Variants in FAM135B observed in about 807,000 individuals in gnomAD.
FAM135B encodes protein FAM135B.
FAM135B carries 43 observed loss-of-function variants against 127.7 expected under a neutral mutation model. That is an observed-to-expected ratio of 0.34 (90% CI 0.26 to 0.43). FAM135B has a LOEUF of 0.43. FAM135B is among the 20% of genes least tolerant of loss of function. The pLI is 1.00. For missense variants in FAM135B, 1,558 were observed against 1,725.6 expected, an observed-to-expected ratio of 0.90 and a Z score of 1.72; for synonymous variants, 670 against 665.1, an observed-to-expected ratio of 1.01 and a Z score of -0.11.
chr8:138,388,946 T>C (rs965532621), intron 1 of FAM135B, among the ~76,000 whole-genome samples: 2 of 152,164 alleles, frequency 1.3e-5, no homozygotes, highest in African/African-American at 4.8e-5. Context: ...GTTTTATATA[T>C]ATATATCCCC....
intron 2 of FAM135B, among the ~76,000 whole-genome samples, chr8:138,347,692 G>A (rs1587179385): frequency 1.3e-5 from 2 of 152,246 alleles, no homozygotes; most frequent in East Asian, 3.9e-4. Context: ...GATCTCCAGA[G>A]GACGGAAAGT....
In FAM135B at chr8:138,241,253, T is replaced by A. The variant is rs962782283; in HGVS notation, c.669+1689A>T. Among the ~76,000 whole-genome samples, 16 of 152,160 alleles carry A rather than the reference T, an allele frequency of 1.1e-4. No individual in the cohort carries two copies. The highest frequency in any genetic ancestry group is 3.9e-4 in the African/African-American group (16 of 41,424). On this transcript the variant is annotated intron_variant, in intron 7 of 19. Transcript: ENST00000395297. The surrounding 1 kb of genome is among the most constrained non-coding windows in gnomAD (Gnocchi z 4.8). The stretch of plus-strand genomic sequence containing the variant: ...CGCTTTCTTACTCATTCACTTCCTA[T>A]GTGCTGGGCCCTGCGTCAGTGCTAA...
At chr8:138,369,143 G>A (rs1471304656) in intron 1 of FAM135B, among the ~76,000 whole-genome samples, 4 of 152,078 alleles carry the variant, frequency 2.6e-5, no homozygotes, top group Non-Finnish European at 4.4e-5. Flanking sequence ...GTAGACTCCC[G>A]ATAGGATAAG....
At chr8:138,227,714 CTTTTTTT>C (rs761660500) in intron 7 of FAM135B, among the ~76,000 whole-genome samples, 1,143 of 81,838 alleles carry the variant, frequency 0.014, 16 homozygotes, top group Middle Eastern at 0.042. Flanking sequence ...TTTTGTCTCT[CTTTTTTT>C]TTTTTTTTTT....
chr8:138,222,492 A>G (rs1315457968), intron 7 of FAM135B, among the ~76,000 whole-genome samples: 1 of 152,170 alleles, frequency 6.6e-6, no homozygotes, highest in Non-Finnish European at 1.5e-5. Context: ...CAGTCCATTG[A>G]ATATAGCAGG....
chr8:138,259,364 A>G (rs1237411645), intron 4 of FAM135B, among the ~76,000 whole-genome samples: 1 of 152,196 alleles, frequency 6.6e-6, no homozygotes, highest in African/African-American at 2.4e-5. Flanking sequence ...CTATCATTTC[A>G]TATCTATGAG....
chr8:138,220,905 C>A (rs1818977365), intron 7 of FAM135B, among the ~76,000 whole-genome samples: 1 of 152,202 alleles, frequency 6.6e-6, no homozygotes, highest in African/African-American at 2.4e-5. Context: ...AATGTACTCA[C>A]CCACGTGAAA....
At chr8:138,229,348 GC>G (rs1819734681) in intron 7 of FAM135B, among the ~76,000 whole-genome samples, 1 of 152,074 alleles carries the variant, frequency 6.6e-6, no homozygotes, top group Non-Finnish European at 1.5e-5. Context: ...AGCTCACAAA[GC>G]ATACACAGTC....
chr8:138,494,373 C>A (rs1007952648), intron 1 of FAM135B, among the ~76,000 whole-genome samples: 2 of 152,174 alleles, frequency 1.3e-5, no homozygotes, highest in African/African-American at 4.8e-5. Flanking sequence ...GGGAGAGGCA[C>A]CTATCATTGG....
chr8:138,149,372 C>T (rs1817935376), intron 13 of FAM135B, among the ~76,000 whole-genome samples: 1 of 152,048 alleles, frequency 6.6e-6, no homozygotes, highest in South Asian at 2.1e-4. Context: ...CTTGGCCTTC[C>T]CCTGCTTCTC....
At chr8:138,206,331 C>A (rs913229115) in intron 7 of FAM135B, among the ~76,000 whole-genome samples, 2 of 142,642 alleles carry the variant, frequency 1.4e-5, no homozygotes, top group Non-Finnish European at 3.1e-5. Context: ...CTATCATCCC[C>A]TCCACCTACC....
intron 2 of FAM135B, among the ~76,000 whole-genome samples, chr8:138,356,433 A>G (rs1341780138): frequency 2.0e-5 from 3 of 152,134 alleles, no homozygotes; most frequent in African/African-American, 4.8e-5. Flanking sequence ...TTCCTCTATG[A>G]TTTAGGGATA....
At chr8:138,442,236 CCATATATATATATATATATATA>C (rs1228442061) in intron 1 of FAM135B, among the ~76,000 whole-genome samples, 2 of 13,130 alleles carry the variant, frequency 1.5e-4, no homozygotes, top group Non-Finnish European at 2.5e-4. Context: ...AATATGGACA[CCATATATATATATATATATATA>C]TATATATATA....
intron 11 of FAM135B, among the ~76,000 whole-genome samples, chr8:138,174,390 T>A (rs1397865178): frequency 6.6e-6 from 1 of 152,140 alleles, no homozygotes; most frequent in Non-Finnish European, 1.5e-5. Flanking sequence ...GACCTCCAGG[T>A]GTGCAGAACC....
chr8:138,291,939 G>A (rs1412932657), intron 3 of FAM135B, among the ~76,000 whole-genome samples: 1 of 152,034 alleles, frequency 6.6e-6, no homozygotes, highest in Non-Finnish European at 1.5e-5. Context: ...AATTAAACAA[G>A]ATGAAAAGGG....
chr8:138,155,434 C>T lies in FAM135B; in HGVS notation c.1259-2218G>A, dbSNP rs562045405. 2.9e-3 allele frequency among the ~76,000 whole-genome samples: 434 copies of T among 152,262 alleles called. 3 individuals carry two copies. The highest frequency in any genetic ancestry group is 0.01 in the African/African-American group (425 of 41,558). ...AACATCATAATGACAGGATCAAATT[C>T]ACACATAAGAATATTAAACTTAAAT... On this transcript the variant is annotated intron_variant, in intron 12 of 19. Coordinates refer to ENST00000395297, the MANE Select transcript of FAM135B (RefSeq NM_015912.4).
chr8:138,354,257 C>T (rs962026545), intron 2 of FAM135B, among the ~76,000 whole-genome samples: 1 of 152,084 alleles, frequency 6.6e-6, no homozygotes, highest in African/African-American at 2.4e-5. Context: ...ACACACACAC[C>T]CTTCATGATC....
chr8:138,289,756 C>CCATCCCAAT (rs1362802375), intron 3 of FAM135B, among the ~76,000 whole-genome samples: 20 of 152,200 alleles, frequency 1.3e-4, no homozygotes, highest in African/African-American at 3.9e-4. Context: ...ATGTTCCTGT[C>CCATCCCAAT]CATCCCAATC....
At chr8:138,429,927 C>A (rs529057515) in intron 1 of FAM135B, among the ~76,000 whole-genome samples, 2 of 152,256 alleles carry the variant, frequency 1.3e-5, no homozygotes, top group Admixed American at 1.3e-4. Flanking sequence ...TACAGTCATA[C>A]AGCAAGATAG....
Sources: allele counts gnomAD v4.1 joint callset (sites outside exome capture counted in the v4.1 genomes callset), GRCh38; gene constraint gnomAD v4.1.1; non-coding constraint Gnocchi (gnomAD v3.1); transcripts MANE v1.5; gene names NCBI Gene and HGNC (gene_info 2026-07-23, HGNC 2026-07-21).